The following RBFOX1 variants were observed in gnomAD, a reference collection of about 807,000 sequenced individuals.
RBFOX1 encodes the protein RNA binding protein fox-1 homolog 1.
In RBFOX1, 8 loss-of-function variants were observed where a neutral mutation model predicts 57.7. That is an observed-to-expected ratio of 0.14 (90% CI 0.08 to 0.25). RBFOX1 has a LOEUF of 0.25. Among genes scored for constraint, RBFOX1 ranks in the 10% least tolerant of loss-of-function variants. The pLI, the probability that RBFOX1 is intolerant of heterozygous loss-of-function variation, is 1.00. For synonymous variants in RBFOX1, 326 were observed against 222.4 expected, an observed-to-expected ratio of 1.47 and a Z score of -4.15; for missense variants, 611 against 548.5, an observed-to-expected ratio of 1.11 and a Z score of -1.14.
At chr16:5,391,282 T>C (rs964032620) in intron 1 of RBFOX1, among the ~76,000 whole-genome samples, 13 of 152,234 alleles carry the variant, frequency 8.5e-5, no homozygotes, top group Non-Finnish European at 2.9e-5. Flanking sequence ...TACATGGGTC[T>C]TATGAAGTTA....
chr16:6,637,430 T>TTA (rs71145264), intron 2 of RBFOX1, among the ~76,000 whole-genome samples: 1,986 of 23,428 alleles, frequency 0.085, 416 homozygotes, highest in African/African-American at 0.21. Context: ...TATAAATATA[T>TTA]TATATAAATA....
At chr16:5,266,746 G>A (rs373770253) in intron 1 of RBFOX1, among the ~76,000 whole-genome samples, 12 of 151,728 alleles carry the variant, frequency 7.9e-5, no homozygotes, top group East Asian at 2.0e-4. Flanking sequence ...TTGCAGAGAG[G>A]GGGGGTCTCA....
At chr16:6,488,310 G>C (rs2095550972) in intron 2 of RBFOX1, among the ~76,000 whole-genome samples, 1 of 152,150 alleles carries the variant, frequency 6.6e-6, no homozygotes, top group Non-Finnish European at 1.5e-5. Flanking sequence ...TGGATTTATT[G>C]TGGTTAGCTG....
At chr16:7,124,308 G>A (rs1265324951) in intron 4 of RBFOX1, among the ~76,000 whole-genome samples, 6 of 152,118 alleles carry the variant, frequency 3.9e-5, no homozygotes, top group African/African-American at 1.4e-4. Flanking sequence ...TAGCTACTCA[G>A]GAGACTGAGG....
At chr16:7,024,606 G>A (rs1228451131) in intron 3 of RBFOX1, among the ~76,000 whole-genome samples, 1 of 152,136 alleles carries the variant, frequency 6.6e-6, no homozygotes, top group African/African-American at 2.4e-5. Flanking sequence ...TAACTGTGGG[G>A]TCGCCACTCC....
At chr16:5,447,428 T>C (rs985149170) in intron 1 of RBFOX1, among the ~76,000 whole-genome samples, 7 of 143,428 alleles carry the variant, frequency 4.9e-5, no homozygotes, top group African/African-American at 2.0e-4. Flanking sequence ...TCTTGCTGTT[T>C]CACCCATGCT....
At chr16:7,167,330 T>C (rs1038452615) in intron 4 of RBFOX1, among the ~76,000 whole-genome samples, 3 of 151,736 alleles carry the variant, frequency 2.0e-5, no homozygotes, top group African/African-American at 7.3e-5. Flanking sequence ...GATCTCTAGG[T>C]GAAATCATCC....
chr16:6,940,879 G>GTGTGTTTGTGTGTGTGTGTGTGTGTT (rs1555653225), intron 3 of RBFOX1, among the ~76,000 whole-genome samples: 18 of 138,654 alleles, frequency 1.3e-4, no homozygotes, highest in African/African-American at 5.0e-4. Context: ...GTGTGTGTGT[G>GTGTGTTTGTGTGTGTGTGTGTGTGTT]TGTGTGTGTG....
chr16:6,543,598 T>C (rs1278167027), intron 2 of RBFOX1, among the ~76,000 whole-genome samples: 1 of 152,148 alleles, frequency 6.6e-6, no homozygotes, highest in Admixed American at 6.6e-5. Flanking sequence ...TGTTTTGCTG[T>C]TGTTTTGTTT....
At chr16:7,525,515 C>T (rs1355508846) in intron 5 of RBFOX1, among the ~76,000 whole-genome samples, 2 of 152,122 alleles carry the variant, frequency 1.3e-5, no homozygotes, top group African/African-American at 4.8e-5. Flanking sequence ...AGAGAGCTTG[C>T]ACCGATTTGC....
intron 2 of RBFOX1, among the ~76,000 whole-genome samples, chr16:6,584,340 C>CATCATT (rs374173630): frequency 4.4e-5 from 6 of 136,794 alleles, no homozygotes; most frequent in African/African-American, 1.1e-4. Context: ...GTTTTATTTT[C>CATCATT]ATTATTATTA....
intron 4 of RBFOX1, among the ~76,000 whole-genome samples, chr16:7,065,920 C>T (rs1317709261): frequency 6.6e-6 from 1 of 152,080 alleles, no homozygotes. Context: ...CTGTGTAAGG[C>T]CCTGATCCTT....
chr16:6,285,991 A>G (rs2076868465), intron 1 of RBFOX1, among the ~76,000 whole-genome samples: 1 of 152,204 alleles, frequency 6.6e-6, no homozygotes, highest in Non-Finnish European at 1.5e-5. Context: ...AAGCCAAGCT[A>G]ATATTGTTAG....
chr16:5,749,131 G>A (rs1413724445), intron 3 of RBFOX1, among the ~76,000 whole-genome samples: 1 of 152,092 alleles, frequency 6.6e-6, no homozygotes, highest in Non-Finnish European at 1.5e-5. Flanking sequence ...CACTTATGAA[G>A]CTTAGTTTTG....
chr16:7,380,233 A>G (rs762561331), intron 4 of RBFOX1, among the ~76,000 whole-genome samples: 1 of 152,182 alleles, frequency 6.6e-6, no homozygotes, highest in Non-Finnish European at 1.5e-5. Context: ...AAATGCTCAG[A>G]GTTTAGAAAA....
chr16:7,236,859 C>G (rs756644010), intron 4 of RBFOX1, among the ~76,000 whole-genome samples: 42 of 152,134 alleles, frequency 2.8e-4, no homozygotes, highest in Non-Finnish European at 4.9e-4. Flanking sequence ...TGGAAGCACG[C>G]AGGATTTAGT....
chr16:5,453,362 C>T (rs2068485867), intron 1 of RBFOX1, among the ~76,000 whole-genome samples: 2 of 152,098 alleles, frequency 1.3e-5, no homozygotes, highest in Admixed American at 6.5e-5. Flanking sequence ...TAGGGAAGTG[C>T]ATTAAAGATC....
intron 2 of RBFOX1, among the ~76,000 whole-genome samples, chr16:6,653,013 T>G (rs984234107): frequency 1.3e-5 from 2 of 152,182 alleles, no homozygotes; most frequent in Non-Finnish European, 2.9e-5. Context: ...TTTCCTCTCT[T>G]ACTTCCCTCT....
intron 1 of RBFOX1, among the ~76,000 whole-genome samples, chr16:6,292,357 C>A (rs2077559223): frequency 6.6e-6 from 1 of 150,554 alleles, no homozygotes; most frequent in Non-Finnish European, 1.5e-5. Context: ...TTGGTGGAAA[C>A]AGTTCCACAG....
Sources: gnomAD v4.1 joint callset for allele counts (sites outside exome capture counted in the v4.1 genomes callset) on GRCh38, gnomAD v4.1.1 for gene constraint, MANE v1.5 for transcripts, NCBI Gene and HGNC (gene_info 2026-07-23, HGNC 2026-07-21) for gene names.